KIF3C: variants seen among roughly 807,000 people sequenced by gnomAD.
KIF3C encodes kinesin family member 3C, also known as kinesin-like protein KIF3C.
Under a neutral mutation model 67.7 loss-of-function variants are expected in KIF3C, and 12 were observed. That is an observed-to-expected ratio of 0.18 (90% CI 0.11 to 0.29). The LOEUF (loss-of-function observed/expected upper bound fraction) is 0.29, where lower values mean the gene tolerates loss of function less well. Ranked by LOEUF, KIF3C falls within the 10% of genes least tolerant of loss-of-function variation. The pLI is 1.00. For synonymous variants in KIF3C, 393 were observed against 426.2 expected (o/e 0.92, Z 0.96); for missense variants, 789 against 1,059.6 (o/e 0.74, Z 3.55).
intron 5 of KIF3C, among the ~76,000 whole-genome samples, chr2:25,946,271 G>A (rs1176661392): frequency 1.3e-5 from 2 of 152,094 alleles, no homozygotes; most frequent in African/African-American, 4.8e-5. Context: ...AGGAAAGGTG[G>A]GGGCCAGGTG....
intron 5 of KIF3C, among the ~76,000 whole-genome samples, chr2:25,943,413 T>C (rs1663345707): frequency 6.6e-6 from 1 of 152,226 alleles, no homozygotes; most frequent in African/African-American, 2.4e-5. Flanking sequence ...TGCCCCCTAC[T>C]GTGCCCCACC....
intron 5 of KIF3C, among the ~76,000 whole-genome samples, chr2:25,936,616 C>G (rs1026130224): frequency 2.0e-4 from 31 of 152,206 alleles, no homozygotes; most frequent in Admixed American, 1.3e-3. Flanking sequence ...TATTTTCATG[C>G]TTATATTTAA....
chr2:25,963,292 C>T (rs77395631), intron 1 of KIF3C, among the ~76,000 whole-genome samples: 14,148 of 141,370 alleles, frequency 0.1, 861 homozygotes, highest in African/African-American at 0.14. Flanking sequence ...TGAAACCTCC[C>T]GCCTCCCAGG....
chr2:25,934,123 C>T (rs893051346), intron 5 of KIF3C: 4 of 470,544 alleles, frequency 8.5e-6, no homozygotes, highest in Non-Finnish European at 1.8e-5. Context: ...TCGCAACGGA[C>T]TACATATTGT....
intron 7 of KIF3C, 75 bp from the exon 8 acceptor site, chr2:25,929,146 GC>G: frequency 1.4e-6 from 2 of 1,435,804 alleles, no homozygotes; most frequent in Non-Finnish European, 1.9e-6. Flanking sequence ...CCTCTCCTTT[GC>G]CCCATCCTGT....
At chr2:25,951,980 A>G (rs953222902) in intron 4 of KIF3C, 75 bp from the exon 5 acceptor site, 5 of 1,033,484 alleles carry the variant, frequency 4.8e-6, no homozygotes, top group African/African-American at 3.1e-5. Flanking sequence ...GGGTTGAAGG[A>G]TTAGAAGCAA....
chr2:25,931,074 T>A, intron 5 of KIF3C, among the ~76,000 whole-genome samples: 1 of 152,094 alleles, frequency 6.6e-6, no homozygotes, highest in Non-Finnish European at 1.5e-5. Context: ...CACAACAATT[T>A]AAAAAAATTA....
At chr2:25,930,910 T>C (rs900333977) in intron 5 of KIF3C, among the ~76,000 whole-genome samples, 1 of 152,036 alleles carries the variant, frequency 6.6e-6, no homozygotes, top group African/African-American at 2.4e-5. Flanking sequence ...GGTCTCGAAC[T>C]CCTGACCTCA....
At chr2:25,939,271 C>T (rs1663224483) in intron 5 of KIF3C, among the ~76,000 whole-genome samples, 1 of 152,052 alleles carries the variant, frequency 6.6e-6, no homozygotes, top group Admixed American at 6.6e-5. Flanking sequence ...GCTGGCCTCC[C>T]CCTCTTGTTC....
At position 25,951,881 on chromosome 2, in the gene KIF3C, G is replaced by C; in HGVS notation, c.1914C>G (p.Ile638Met). The change falls in exon 5 of 8, where the codon ATC becomes ATG. Residue 638 changes from isoleucine (I) to methionine (M), a missense_variant. Transcript: ENST00000264712. ...KLKYLIIENF[I>M]PPEEKNKIMN... ...TGATCTTGTTCTTCTCCTCCGGCGGGATGAAGTTCTCGATGATTAGGTACC... is the reference window on the plus strand; with the variant it reads ...TGATCTTGTTCTTCTCCTCCGGCGGCATGAAGTTCTCGATGATTAGGTACC... The C allele has an allele frequency of 1.2e-6, 2 of 1,613,832 alleles. No individual in the cohort carries two copies. Among genetic ancestry groups the C allele is most frequent in the Non-Finnish European group, 1.7e-6 (2 of 1,179,742 alleles).
intron 1 of KIF3C, among the ~76,000 whole-genome samples, chr2:25,969,151 A>G (rs1664216424): frequency 6.6e-6 from 1 of 152,206 alleles, no homozygotes; most frequent in South Asian, 2.1e-4. Flanking sequence ...CATTCCTTAC[A>G]GCTCCTGGGA....
intron 5 of KIF3C, among the ~76,000 whole-genome samples, chr2:25,947,712 G>A (rs773427239): frequency 3.1e-4 from 47 of 151,956 alleles, no homozygotes; most frequent in Non-Finnish European, 5.3e-4. Context: ...ACCCTCAAAA[G>A]GAGAAAAGTT....
intron 5 of KIF3C, among the ~76,000 whole-genome samples, chr2:25,949,802 T>C (rs1329735895): frequency 6.6e-6 from 1 of 151,356 alleles, no homozygotes; most frequent in African/African-American, 2.4e-5. Context: ...AAACCCCGTC[T>C]CTACTAAAAA....
At chr2:25,954,143 C>G in intron 4 of KIF3C, 124 bp downstream of exon 4, 1 of 742,144 alleles carries the variant, frequency 1.3e-6, no homozygotes, top group East Asian at 2.5e-5. Context: ...AGCCCTCAGA[C>G]GCATTTTATT....
At chr2:25,957,275 G>A (rs1663830845) in intron 1 of KIF3C, among the ~76,000 whole-genome samples, 1 of 152,188 alleles carries the variant, frequency 6.6e-6, no homozygotes, top group South Asian at 2.1e-4. Flanking sequence ...GTAGCAAAGA[G>A]GAGAGATTTG....
chr2:25,958,838 G>A lies in KIF3C; in HGVS notation c.1546-2394C>T, dbSNP rs1281331376. Among the ~76,000 whole-genome samples the A allele has an allele frequency of 6.6e-6, 1 of 152,104 alleles. No homozygotes were observed. The highest frequency in any genetic ancestry group is 1.5e-5 in the Non-Finnish European group (1 of 68,006). Reference sequence around the variant, plus strand: ...GCCTGTAATCCCGGCACTTTGGGAGGCCAAGGCAGGCGGATCACCTGAGGT... The same window carrying A: ...GCCTGTAATCCCGGCACTTTGGGAGACCAAGGCAGGCGGATCACCTGAGGT... On this transcript the variant is annotated intron_variant, in intron 1 of 7. Transcript: ENST00000264712. This position sits in a 1 kb window ranked among gnomAD's most constrained non-coding sequence, Gnocchi z 4.5.
At position 25,955,165 on chromosome 2, in the gene KIF3C, C is replaced by A. The variant is rs554609993; in HGVS notation, c.1770+376G>T. Reference sequence around the variant, plus strand: ...GGCCTTACACTCCCCACCTGAGCTTCCCGGGGTTCCAGTCTCCTCCTCAGC... The same window carrying A: ...GGCCTTACACTCCCCACCTGAGCTTACCGGGGTTCCAGTCTCCTCCTCAGC... On this transcript the variant is annotated intron_variant, in intron 3 of 7. Transcript: ENST00000264712. This position sits in a 1 kb window ranked among gnomAD's most constrained non-coding sequence, Gnocchi z 5.0. Among the ~76,000 whole-genome samples, 1 of 152,292 alleles carries A rather than the reference C, an allele frequency of 6.6e-6. No homozygotes were observed. Among genetic ancestry groups the A allele is most frequent in the East Asian group, 1.9e-4 (1 of 5,184 alleles).
rs2090446506 is a variant in KIF3C at position 25,930,082 on chromosome 2, A to G, written c.2007-19T>C. 3 of 1,585,106 alleles carry G rather than the reference A, an allele frequency of 1.9e-6. No homozygotes were observed. Among genetic ancestry groups the G allele is most frequent in the Non-Finnish European group, 2.6e-6 (3 of 1,153,594 alleles). Reference sequence around the variant, plus strand: ...GCTACTGCTGTAGGAAAGAGGCTATATTAGAAAGGATTTCTGTGGAACACA... The same window carrying G: ...GCTACTGCTGTAGGAAAGAGGCTATGTTAGAAAGGATTTCTGTGGAACACA... On this transcript the variant is annotated intron_variant, in intron 5 of 7. Coordinates refer to ENST00000264712, the MANE Select transcript of KIF3C (RefSeq NM_002254.8).
Position 25,974,210 on chromosome 2 carries a change from C to T in KIF3C, c.1545+6163G>A, listed in dbSNP as rs565632870. Among the ~76,000 whole-genome samples, 5 of 152,196 alleles carry T rather than the reference C, an allele frequency of 3.3e-5. No homozygotes were observed. In the South Asian group the frequency reaches 1.0e-3, roughly 32 times the overall value. On this transcript the variant is annotated intron_variant, in intron 1 of 7. Transcript: ENST00000264712. ...TCAGCCTCCTGAGCAGCTGGGACTA[C>T]AGACGCGCGCCACCAAGCCCACCTA...
Sources: gnomAD v4.1 joint callset for allele counts (sites outside exome capture counted in the v4.1 genomes callset) on GRCh38, gnomAD v4.1.1 for gene constraint, Gnocchi (gnomAD v3.1) non-coding constraint, MANE v1.5 for transcripts, NCBI Gene and HGNC (gene_info 2026-07-23, HGNC 2026-07-21) for gene names.